TRNT1: variants seen among roughly 807,000 people sequenced by gnomAD.
The protein encoded by TRNT1 is tRNA nucleotidyl transferase 1, also known as CCA tRNA nucleotidyltransferase 1, mitochondrial.
TRNT1 carries 44 observed loss-of-function variants against 45.6 expected under a neutral mutation model. That is an observed-to-expected ratio of 0.97 (90% CI 0.76 to 1.24). The LOEUF (loss-of-function observed/expected upper bound fraction) is 1.24, where lower values mean the gene tolerates loss of function less well. Ranked by LOEUF, TRNT1 falls within the 50% of genes most tolerant of loss-of-function variation. TRNT1 has a pLI of 0.00. For missense variants in TRNT1, 633 were observed against 504.4 expected (o/e 1.25, Z -2.44); for synonymous variants, 201 against 171.4 (o/e 1.17, Z -1.35).
chr3:3,141,868 A>G (rs939955006), intron 4 of TRNT1, among the ~76,000 whole-genome samples: 3 of 152,242 alleles, frequency 2.0e-5, no homozygotes, highest in East Asian at 1.9e-4. Flanking sequence ...TAGGGTACCT[A>G]CTGGGTTCTA....
At chr3:3,152,415 T>C, downstream of TRNT1, 1 of 1,582,296 alleles carries the variant, frequency 6.3e-7, no homozygotes, top group Non-Finnish European at 8.5e-7. Flanking sequence ...CCAATTAAGG[T>C]AAAAAAAGAA....
intron 2 of TRNT1, among the ~76,000 whole-genome samples, chr3:3,136,496 A>G (rs1055434396): frequency 6.6e-6 from 1 of 152,216 alleles, no homozygotes; most frequent in African/African-American, 2.4e-5. Context: ...AACATTAATC[A>G]TAAGTGGTAT....
At chr3:3,141,105 C>T (rs1705621176) in intron 4 of TRNT1, among the ~76,000 whole-genome samples, 1 of 150,578 alleles carries the variant, frequency 6.6e-6, no homozygotes, top group South Asian at 2.1e-4. Context: ...GCCAAAATCC[C>T]TGGGTTCAAA....
chr3:3,149,165 G>C (rs1433619893), downstream of TRNT1: 3 of 152,174 alleles, frequency 2.0e-5, no homozygotes, highest in Non-Finnish European at 4.4e-5. Context: ...TTTGTAGAGT[G>C]TAATATTTCT....
At chr3:3,140,827 A>G in intron 4 of TRNT1, 179 bp downstream of exon 4, 4 of 624,886 alleles carry the variant, frequency 6.4e-6, no homozygotes, top group Non-Finnish European at 1.0e-5. Flanking sequence ...TCACGCCTGT[A>G]ATCCCAGCAC....
chr3:3,148,074 C>CAACA lies in TRNT1; in HGVS notation c.1226_1229dup (p.Leu411ThrfsTer17). On this transcript the variant is annotated frameshift_variant, in exon 8 of 8. Coordinates refer to ENST00000251607, the MANE Select transcript of TRNT1 (RefSeq NM_182916.3). LOFTEE classifies it high-confidence loss of function. ...AGGAAAAGAAATTGGGGCTCTATTA[C>CAACA]AACAGTTGCGAGAACAGTGGAAAAA... The CAACA allele has an allele frequency of 3.1e-6, 5 of 1,613,872 alleles. No homozygotes were observed. The highest frequency in any genetic ancestry group is 4.2e-6 in the Non-Finnish European group (5 of 1,179,836).
downstream of TRNT1, chr3:3,152,340 T>G: frequency 1.7e-6 from 2 of 1,163,450 alleles, no homozygotes; most frequent in Non-Finnish European, 2.5e-6. Context: ...AAATTACTCA[T>G]TTGTCTGTCT....
chr3:3,138,677 A>G (rs1705468068), intron 3 of TRNT1, among the ~76,000 whole-genome samples: 1 of 152,162 alleles, frequency 6.6e-6, no homozygotes, highest in African/African-American at 2.4e-5. Flanking sequence ...CCTTAACTTC[A>G]TCTCCCAGTC....
At chr3:3,140,481 C>T (rs1226156110) in intron 3 of TRNT1, 29 bp from the exon 4 acceptor site, 1 of 1,600,996 alleles carries the variant, frequency 6.2e-7, no homozygotes, top group South Asian at 1.1e-5. Context: ...ATTTAAATGA[C>T]AACAAAAACC....
downstream of TRNT1, chr3:3,151,049 A>G: frequency 6.2e-7 from 1 of 1,613,808 alleles, no homozygotes. Flanking sequence ...GGCATACCTA[A>G]GAAATTAAGG....
At chr3:3,146,719 AT>A in intron 6 of TRNT1, 96 bp downstream of exon 6, 4 of 1,165,586 alleles carry the variant, frequency 3.4e-6, no homozygotes, top group South Asian at 1.6e-5. Flanking sequence ...TGGTTGAAGA[AT>A]TCTTGGAGAA....
chr3:3,150,649 CT>C, downstream of TRNT1: 1 of 489,792 alleles, frequency 2.0e-6, no homozygotes, highest in South Asian at 2.1e-5. Flanking sequence ...GTAGATGTTT[CT>C]GGTATTCTAG....
At chr3:3,146,702 A>C in intron 6 of TRNT1, 79 bp downstream of exon 6, 1 of 1,299,542 alleles carries the variant, frequency 7.7e-7, no homozygotes, top group Non-Finnish European at 1.1e-6. Flanking sequence ...AAAATGTTTG[A>C]CTCATTTGGT....
intron 5 of TRNT1, chr3:3,145,360 A>G (rs6770296): frequency 0.2 from 30,445 of 152,100 alleles, 3,377 homozygotes; most frequent in African/African-American, 0.29. Context: ...AAAATTAGCC[A>G]GGCATGGCGG....
intron 1 of TRNT1, chr3:3,127,881 T>G (rs999970182): frequency 1.3e-5 from 2 of 152,338 alleles, no homozygotes; most frequent in South Asian, 4.1e-4. Context: ...GGGCTGCTTA[T>G]TCTCGCTGCC....
In TRNT1 at chr3:3,148,778, A is replaced by G. The variant is rs1211043434; in HGVS notation, c.*624A>G. On this transcript the variant is annotated 3_prime_UTR_variant, in exon 8 of 8. Transcript: ENST00000251607. ...ATGCAGAGCCTGGGGAAGTCATGGG[A>G]TTAACTTGAGGGTCACTATTGAGCC... The G allele has an allele frequency of 5.9e-5, 9 of 151,410 alleles. No individual in the cohort carries two copies. Among genetic ancestry groups the G allele is most frequent in the Admixed American group, 4.0e-4 (6 of 15,128 alleles). The allele number at this position is 151,410 out of a possible 1,614,324, so 9.4% of individuals were successfully genotyped here.
At chr3:3,143,058 G>T (rs1395604951) in intron 4 of TRNT1, among the ~76,000 whole-genome samples, 1 of 152,170 alleles carries the variant, frequency 6.6e-6, no homozygotes, top group African/African-American at 2.4e-5. Flanking sequence ...ACAGCCAAGA[G>T]GTATTTTTGA....
rs145784140 is a variant in TRNT1 at position 3,144,602 on chromosome 3, T to C, written c.500T>C (p.Phe167Ser). 49 of 1,583,706 alleles carry C rather than the reference T, an allele frequency of 3.1e-5. No homozygotes were observed. In the African/African-American group the frequency reaches 5.3e-4, roughly 17 times the overall value. ...SMFLGFDGTL[F>S]DYFNGYEDLK... ...TGAATAGGTTTTGATGGCACTTTAT[T>C]TGACTACTTTAATGGTTATGAAGAT... Residue 167 changes from phenylalanine to serine, a missense_variant, in exon 5 of 8, where the codon TTT becomes TCT. Transcript: ENST00000251607.
rs752132595 is a variant in TRNT1 at position 3,146,517 on chromosome 3, A to C, written c.696A>C (p.Gly232=). The C allele has an allele frequency of 2.5e-6, 4 of 1,614,126 alleles. No homozygotes were observed. The South Asian group carries it at 4.4e-5, about 18-fold the overall frequency. ...AIAENAKGLA[G]ISGERIWVEL... ...CAGAAAATGCAAAAGGCTTGGCTGG[A>C]ATATCAGGAGAAAGGATTTGGGTGG... The change falls in exon 6 of 8, where the codon GGA becomes GGC. Residue 232 remains glycine (G), a synonymous_variant. Coordinates refer to ENST00000251607, the MANE Select transcript of TRNT1 (RefSeq NM_182916.3).
Sources: allele counts gnomAD v4.1 joint callset (sites outside exome capture counted in the v4.1 genomes callset), GRCh38; gene constraint gnomAD v4.1.1; transcripts MANE v1.5; gene names NCBI Gene and HGNC (gene_info 2026-07-23, HGNC 2026-07-21).